Variants in ERN2 observed in about 807,000 individuals in gnomAD.
ERN2 encodes serine/threonine-protein kinase/endoribonuclease IRE2.
In ERN2, 111 loss-of-function variants were observed where a neutral mutation model predicts 107.9. The observed-to-expected ratio is 1.03, with a 90% confidence interval of 0.88 to 1.20. The LOEUF (loss-of-function observed/expected upper bound fraction) is 1.20. Ranked by LOEUF, ERN2 falls within the 50% of genes most tolerant of loss-of-function variation. The pLI is 0.00. For missense variants in ERN2, 1,225 were observed against 1,197.9 expected, an observed-to-expected ratio of 1.02 and a Z score of -0.33; for synonymous variants, 524 against 501.7, an observed-to-expected ratio of 1.04 and a Z score of -0.59.
At chr16:23,711,907 T>C (rs1290668919) in intron 1 of ERN2, 4 of 229,294 alleles carry the variant, frequency 1.7e-5, no homozygotes, top group Non-Finnish European at 2.9e-5. Flanking sequence ...CAGGCTCCAG[T>C]GGGTCCCTTG....
At chr16:23,712,790 G>A in intron 1 of ERN2, 1 of 366,754 alleles carries the variant, frequency 2.7e-6, no homozygotes, top group Non-Finnish European at 4.9e-6. Flanking sequence ...AAGAGGCCTG[G>A]CTTTCGTGCC....
rs369510858 is a variant in ERN2 at position 23,707,089 on chromosome 16, G to A, written c.307-10C>T. 6.2e-5 allele frequency: 100 copies of A among 1,610,258 alleles called. No homozygotes were observed. The highest frequency in any genetic ancestry group is 7.9e-5 in the Non-Finnish European group (93 of 1,176,574). On this transcript the variant is annotated splice_polypyrimidine_tract_variant and intron_variant, in intron 4 of 21. Coordinates refer to ENST00000256797, the MANE Select transcript of ERN2 (RefSeq NM_033266.4). The stretch of plus-strand genomic sequence containing the variant: ...TGGTGAATGGCAGTTTCTAGGAGAC[G>A]GAAAATTTACAGGAAGGAGTAAGAG...
rs576449065 is a variant in ERN2, at chr16:23,700,990, A to G, written c.1328T>C (p.Leu443Pro). Residue 443 changes from leucine (L) to proline (P), a missense_variant, in exon 12 of 22, where the codon CTG becomes CCG. Coordinates refer to ENST00000256797, the MANE Select transcript of ERN2 (RefSeq NM_033266.4). ...LLAASLTAVLLGGWILFVMRQ... is the reference protein window; with the variant it reads ...LLAASLTAVLPGGWILFVMRQ... Reference sequence around the variant, plus strand: ...CATCACAAAGAGAATCCACCCTCCCAGGAGGACAGCAGTGAGGCTAGCTGC... The same window carrying G: ...CATCACAAAGAGAATCCACCCTCCCGGGAGGACAGCAGTGAGGCTAGCTGC... The G allele has an allele frequency of 4.3e-6, 7 of 1,614,172 alleles. No homozygotes were observed. The highest frequency in any genetic ancestry group is 1.3e-5 in the African/African-American group (1 of 75,066).
chr16:23,697,383 A>G (rs998240433), intron 13 of ERN2: 1 of 152,148 alleles, frequency 6.6e-6, no homozygotes, highest in South Asian at 2.1e-4. Flanking sequence ...CTGGAAGTAC[A>G]TCACCCACAC....
intron 19 of ERN2, 68 bp from the exon 20 acceptor site, chr16:23,691,493 C>T: frequency 1.3e-6 from 2 of 1,550,232 alleles, no homozygotes. Context: ...AGTGTGTTGT[C>T]TTACAGGAGT....
chr16:23,693,003 T>C (rs1959661440), intron 17 of ERN2, among the ~76,000 whole-genome samples: 1 of 152,050 alleles, frequency 6.6e-6, no homozygotes, highest in Non-Finnish European at 1.5e-5. Context: ...AATCCAAATT[T>C]TATGTGGAAT....
intron 14 of ERN2, 142 bp downstream of exon 14, chr16:23,695,748 CAGAT>C: frequency 9.5e-6 from 2 of 211,052 alleles, no homozygotes; most frequent in Non-Finnish European, 1.7e-5. Flanking sequence ...AAAAAAAAAA[CAGAT>C]AAAGGAAAGA....
At chr16:23,693,873 T>C (rs1959696731) in intron 17 of ERN2, among the ~76,000 whole-genome samples, 1 of 152,186 alleles carries the variant, frequency 6.6e-6, no homozygotes, top group Non-Finnish European at 1.5e-5. Flanking sequence ...ATCAACTAAT[T>C]AGCTCATCTG....
At chr16:23,701,148 C>T in intron 11 of ERN2, 34 bp from the exon 12 acceptor site, 2 of 1,599,226 alleles carry the variant, frequency 1.3e-6, no homozygotes, top group Non-Finnish European at 1.7e-6. Context: ...TTTAGCACCC[C>T]CTTCCACCAG....
chr16:23,695,379 C>G lies in ERN2; in HGVS notation c.1621G>C (p.Glu541Gln). 2 of 1,594,062 alleles carry G rather than the reference C, an allele frequency of 1.3e-6. No homozygotes were observed. The highest frequency in any genetic ancestry group is 1.7e-6 in the Non-Finnish European group (2 of 1,170,116). ...CGCTTGACAGCCACTGCCCGTCCCTCAAACTGTCCCCTGGAAAGTGGGTGA... is the reference window on the plus strand; with the variant it reads ...CGCTTGACAGCCACTGCCCGTCCCTGAAACTGTCCCCTGGAAAGTGGGTGA... ...GGTFVFRGQF[E>Q]GRAVAVKRLL... The change falls in exon 15 of 22, where the codon GAG (glutamate) becomes CAG (glutamine). Residue 541 changes from glutamate to glutamine, a missense_variant. Physicochemically the swap from Glu to Gln is conservative, Grantham distance 29. Transcript: ENST00000256797.
intron 11 of ERN2, among the ~76,000 whole-genome samples, 156 bp downstream of exon 11, chr16:23,701,996 T>TTAC (rs1960087774): frequency 1.5e-5 from 2 of 132,886 alleles, no homozygotes; most frequent in Admixed American, 1.5e-4. Context: ...CAACAACAAG[T>TTAC]TGTGTTGTTC....
chr16:23,696,278 A>G (rs1959824356), intron 13 of ERN2, among the ~76,000 whole-genome samples: 1 of 152,344 alleles, frequency 6.6e-6, no homozygotes, highest in South Asian at 2.1e-4. Context: ...AAATGGATAT[A>G]TGGAAAGAAC....
In ERN2 at chr16:23,690,585, G is replaced by T; in HGVS notation, c.*246C>A. 3.8e-6 allele frequency: 2 copies of T among 531,574 alleles called. No homozygotes were observed. The allele number at this position is 531,574 out of a possible 1,614,324, so 32.9% of individuals were successfully genotyped here. ...TTCTCCCACCTCAGCCTCCCAAGCAGCTGGGACTACAGGCGTGCGCCACCA... is the reference window on the plus strand; with the variant it reads ...TTCTCCCACCTCAGCCTCCCAAGCATCTGGGACTACAGGCGTGCGCCACCA... On this transcript the variant is annotated 3_prime_UTR_variant, in exon 22 of 22. Coordinates refer to ENST00000256797, the MANE Select transcript of ERN2 (RefSeq NM_033266.4).
intron 13 of ERN2, chr16:23,697,176 T>TTAATAATAATAA (rs59956325): frequency 4.8e-5 from 7 of 144,428 alleles, no homozygotes; most frequent in African/African-American, 1.3e-4. Flanking sequence ...ATCTCAATAA[T>TTAATAATAATAA]TAATAATAAT....
chr16:23,697,716 A>G (rs1959887491), intron 13 of ERN2, among the ~76,000 whole-genome samples: 1 of 152,184 alleles, frequency 6.6e-6, no homozygotes, highest in Non-Finnish European at 1.5e-5. Context: ...AGCCTTTTGC[A>G]TAATTATAAT....
intron 8 of ERN2, among the ~76,000 whole-genome samples, chr16:23,703,479 A>G (rs933639131): frequency 6.6e-6 from 1 of 152,204 alleles, no homozygotes; most frequent in African/African-American, 2.4e-5. Context: ...TTTCTGCTCT[A>G]GTATAAAGTA....
At position 23,695,901 on chromosome 16, in the gene ERN2, C is replaced by T. The variant is rs372923487; in HGVS notation, c.1603G>A (p.Val535Ile). Residue 535 changes from valine (V) to isoleucine (I), a missense_variant, in exon 14 of 22, where the codon GTT (valine) becomes ATT (isoleucine). By Grantham distance (29) the Val-to-Ile change is conservative (BLOSUM62 3). Coordinates refer to ENST00000256797, the MANE Select transcript of ERN2 (RefSeq NM_033266.4). ...CTCCTGGCTGCCACTCACCGGAAAACGAAAGTCCCGCCTGCCCCGCGGCCC... is the reference window on the plus strand; with the variant it reads ...CTCCTGGCTGCCACTCACCGGAAAATGAAAGTCCCGCCTGCCCCGCGGCCC... ...VLGRGAGGTF[V>I]FRGQFEGRAV... 107 of 1,613,796 alleles carry T rather than the reference C, an allele frequency of 6.6e-5. No individual in the cohort carries two copies. In the Middle Eastern group the frequency reaches 8.2e-4, roughly 12 times the overall value.
chr16:23,703,727 T>C (rs1960185999), intron 8 of ERN2, among the ~76,000 whole-genome samples: 1 of 152,224 alleles, frequency 6.6e-6, no homozygotes, highest in Non-Finnish European at 1.5e-5. Flanking sequence ...TATTTCAGTC[T>C]TATTTAATTT....
At chr16:23,703,317 T>C (rs572213762) in intron 8 of ERN2, among the ~76,000 whole-genome samples, 3 of 152,308 alleles carry the variant, frequency 2.0e-5, no homozygotes, top group African/African-American at 7.2e-5. Context: ...TAGTGTTCCC[T>C]GCCTCTGAAA....
Sources: gnomAD v4.1 joint callset for allele counts (sites outside exome capture counted in the v4.1 genomes callset) on GRCh38, gnomAD v4.1.1 for gene constraint, MANE v1.5 for transcripts, NCBI Gene and HGNC (gene_info 2026-07-23, HGNC 2026-07-21) for gene names.